PAX5: variants seen among roughly 807,000 people sequenced by gnomAD.
The protein encoded by PAX5 is paired box 5.
In PAX5, 9 loss-of-function variants were observed where a neutral mutation model predicts 43.7. The observed-to-expected ratio is 0.21, with a 90% confidence interval of 0.12 to 0.36. The LOEUF (loss-of-function observed/expected upper bound fraction) is 0.36, where lower values mean the gene tolerates loss of function less well. PAX5 is among the 10% of genes least tolerant of loss of function. The pLI, the probability that PAX5 is intolerant of heterozygous loss-of-function variation, is 1.00. For synonymous variants in PAX5, 228 were observed against 214.3 expected (o/e 1.06, Z -0.56); for missense variants, 383 against 532.7 (o/e 0.72, Z 2.77).
intron 6 of PAX5, among the ~76,000 whole-genome samples, chr9:36,943,573 C>T (rs1832247700): frequency 6.7e-6 from 1 of 150,238 alleles, no homozygotes; most frequent in South Asian, 2.1e-4. Flanking sequence ...CACACAGCTA[C>T]ATATTTGCAA....
intron 6 of PAX5, among the ~76,000 whole-genome samples, chr9:36,939,390 C>T (rs919289379): frequency 7.9e-5 from 12 of 152,086 alleles, no homozygotes; most frequent in African/African-American, 2.9e-4. Flanking sequence ...ACCCAAACCA[C>T]CAGACCCTGG....
At chr9:36,911,204 A>G (rs942861643) in intron 7 of PAX5, among the ~76,000 whole-genome samples, 2 of 152,200 alleles carry the variant, frequency 1.3e-5, no homozygotes, top group East Asian at 3.8e-4. Flanking sequence ...CTGCCCCACA[A>G]GTAAGCCCAG....
intron 7 of PAX5, among the ~76,000 whole-genome samples, chr9:36,911,339 T>C (rs1041358635): frequency 5.2e-4 from 50 of 96,914 alleles, no homozygotes; most frequent in Non-Finnish European, 9.6e-4. Flanking sequence ...TTTTTTTTTT[T>C]TGAGATCGGG....
intron 6 of PAX5, among the ~76,000 whole-genome samples, chr9:36,933,446 A>G (rs1831288721): frequency 6.6e-6 from 1 of 152,184 alleles, no homozygotes. Context: ...TCCAGTTTGC[A>G]AAGTCCTTGC....
intron 8 of PAX5, 62 bp downstream of exon 8, chr9:36,881,941 GA>G (rs1826457871): frequency 2.5e-6 from 3 of 1,211,472 alleles, no homozygotes; most frequent in African/African-American, 3.0e-5. Context: ...TTTGGGGGGG[GA>G]TGTCCCCCCA....
rs1326126159 is a variant in PAX5, at chr9:36,834,539, ATTTAT to A, written c.*6016_*6020del. On this transcript the variant is annotated 3_prime_UTR_variant, in exon 10 of 10. Transcript: ENST00000358127. ...AGTGTTTAAAATAGACTCAGGATTTATTTATTTTCTTTTTAGCTTTATAGCAATTA... is the reference window on the plus strand; with the variant it reads ...AGTGTTTAAAATAGACTCAGGATTTATTTCTTTTTAGCTTTATAGCAATTA... The A allele has an allele frequency of 4.3e-6, 1 of 232,846 alleles. No individual in the cohort carries two copies. The highest frequency in any genetic ancestry group is 8.5e-6 in the Non-Finnish European group (1 of 118,012). 14.4% of individuals were successfully genotyped at this position (232,846 alleles called of 1,614,324 possible).
intron 1 of PAX5, among the ~76,000 whole-genome samples, chr9:37,031,528 C>G (rs1024384510): frequency 1.3e-5 from 2 of 152,064 alleles, no homozygotes; most frequent in African/African-American, 4.8e-5. Flanking sequence ...ACTACTTGTC[C>G]AAGTAGTAGT....
chr9:36,950,291 G>A (rs1217776909), intron 6 of PAX5, among the ~76,000 whole-genome samples: 6 of 152,200 alleles, frequency 3.9e-5, no homozygotes, highest in Admixed American at 2.6e-4. Flanking sequence ...ACTATGTGAT[G>A]ATCTTCAATA....
At chr9:36,957,420 T>C (rs756840121) in intron 6 of PAX5, among the ~76,000 whole-genome samples, 1 of 152,160 alleles carries the variant, frequency 6.6e-6, no homozygotes, top group Non-Finnish European at 1.5e-5. Flanking sequence ...GAGTGAGTAT[T>C]TGGGTACTTG....
At chr9:36,986,245 C>T (rs1341022027) in intron 5 of PAX5, among the ~76,000 whole-genome samples, 1 of 150,708 alleles carries the variant, frequency 6.6e-6, no homozygotes, top group Non-Finnish European at 1.5e-5. Flanking sequence ...TCATTCATTA[C>T]GGGCCTCTCC....
intron 8 of PAX5, among the ~76,000 whole-genome samples, chr9:36,852,698 C>A (rs1563892162): frequency 6.6e-6 from 1 of 152,370 alleles, no homozygotes; most frequent in East Asian, 1.9e-4. Context: ...GAGCAATGCA[C>A]TTCTTCCTCC....
intron 1 of PAX5, among the ~76,000 whole-genome samples, chr9:37,030,060 C>T (rs979735805): frequency 6.6e-6 from 1 of 152,326 alleles, no homozygotes; most frequent in South Asian, 2.1e-4. Flanking sequence ...TGCATAGAAT[C>T]CCCGGGGCAC....
chr9:36,851,978 C>T (rs1227936518), intron 8 of PAX5, among the ~76,000 whole-genome samples: 6 of 152,320 alleles, frequency 3.9e-5, no homozygotes, highest in African/African-American at 1.2e-4. Context: ...AGCTCCAGGC[C>T]GGCTCTTCCT....
intron 1 of PAX5, among the ~76,000 whole-genome samples, chr9:37,025,425 G>C (rs375579656): frequency 1.7e-4 from 26 of 152,120 alleles, no homozygotes; most frequent in African/African-American, 5.6e-4. Context: ...GTTGGGATGG[G>C]GGGGAGCGGG....
chr9:36,888,228 C>T (rs565864829), intron 7 of PAX5, among the ~76,000 whole-genome samples: 18 of 152,326 alleles, frequency 1.2e-4, no homozygotes, highest in African/African-American at 2.4e-4. Flanking sequence ...TCTTAGACAT[C>T]GAGTTACCAC....
chr9:36,849,533 T>C (rs1240990293), intron 8 of PAX5, among the ~76,000 whole-genome samples: 1 of 152,238 alleles, frequency 6.6e-6, no homozygotes, highest in East Asian at 1.9e-4. Flanking sequence ...AATGAACGAA[T>C]GAGACTCCTA....
At position 37,020,662 on chromosome 9, in the gene PAX5, A is replaced by G. The variant is rs370160939; in HGVS notation, c.186T>C (p.His62=). The stretch of plus-strand genomic sequence containing the variant: ...TGCCAAGAATTTTGCTGACACAACC[A>G]TGGCTGACCCGAAGCTGCCTGGAGA... The part of the protein sequence containing the change: ...CDISRQLRVS[H]GCVSKILGRY... Residue 62 remains histidine, a synonymous_variant, in exon 2 of 10, where the codon CAT becomes CAC. Coordinates refer to ENST00000358127, the MANE Select transcript of PAX5 (RefSeq NM_016734.3). 2 of 1,614,186 alleles carry G rather than the reference A, an allele frequency of 1.2e-6. No homozygotes were observed. The highest frequency in any genetic ancestry group is 1.1e-5 in the South Asian group (1 of 91,074).
At chr9:36,987,026 G>C (rs911090589) in intron 5 of PAX5, among the ~76,000 whole-genome samples, 1 of 152,198 alleles carries the variant, frequency 6.6e-6, no homozygotes. Flanking sequence ...CCACGGATGG[G>C]CACAGTCTAA....
chr9:37,024,166 G>A (rs1840096888), intron 1 of PAX5, among the ~76,000 whole-genome samples: 1 of 152,200 alleles, frequency 6.6e-6, no homozygotes, highest in Non-Finnish European at 1.5e-5. Flanking sequence ...CGTCAGGTAG[G>A]ACCCTGGCTA....
Sources: allele counts gnomAD v4.1 joint callset (sites outside exome capture counted in the v4.1 genomes callset), GRCh38; gene constraint gnomAD v4.1.1; transcripts MANE v1.5; gene names NCBI Gene and HGNC (gene_info 2026-07-23, HGNC 2026-07-21).